The following DAPK1 variants were observed in gnomAD, a reference collection of about 807,000 sequenced individuals.
DAPK1 encodes the protein death associated protein kinase 1, also known as death-associated protein kinase 1.
In DAPK1, 56 loss-of-function variants were observed where a neutral mutation model predicts 144.9. The ratio of observed to expected loss-of-function variants is 0.39; its 90% CI spans 0.31 to 0.48. The LOEUF (loss-of-function observed/expected upper bound fraction) is 0.48, where lower values mean the gene tolerates loss of function less well. Among genes scored for constraint, DAPK1 ranks in the 20% least tolerant of loss-of-function variants. The pLI is 0.95. For synonymous variants in DAPK1, 690 were observed against 749.0 expected, an observed-to-expected ratio of 0.92 and a Z score of 1.29; for missense variants, 1,454 against 1,875.4, an observed-to-expected ratio of 0.78 and a Z score of 4.15.
intron 2 of DAPK1, among the ~76,000 whole-genome samples, chr9:87,565,650 G>A (rs997182927): frequency 6.6e-6 from 1 of 152,170 alleles, no homozygotes; most frequent in African/African-American, 2.4e-5. Flanking sequence ...ACTCAAATCC[G>A]ACTTCTTGAA....
intron 3 of DAPK1, among the ~76,000 whole-genome samples, chr9:87,615,495 G>C (rs899274198): frequency 1.3e-5 from 2 of 152,246 alleles, no homozygotes; most frequent in Non-Finnish European, 2.9e-5. Flanking sequence ...CTGGACGACA[G>C]AAGTGTCATT....
At chr9:87,700,258 G>GCC (rs1825415607) in intron 24 of DAPK1, 21 bp downstream of exon 24, 5 of 1,604,272 alleles carry the variant, frequency 3.1e-6, no homozygotes, top group Non-Finnish European at 4.3e-6. Context: ...CATGGAAAGA[G>GCC]CCTGGACCCC....
chr9:87,668,776 C>G (rs190721720), intron 19 of DAPK1, 102 bp downstream of exon 19: 338 of 801,332 alleles, frequency 4.2e-4, no homozygotes, highest in Non-Finnish European at 6.5e-4. Context: ...AGGCTCTAGA[C>G]AGCCAGGTTT....
intron 3 of DAPK1, among the ~76,000 whole-genome samples, chr9:87,613,201 A>AT (rs1180132643): frequency 7.2e-5 from 11 of 152,126 alleles, no homozygotes; most frequent in Non-Finnish European, 1.0e-4. Context: ...AATTTTGCTG[A>AT]TTTTTTTAAT....
At chr9:87,598,396 C>T (rs1371424433) in intron 2 of DAPK1, among the ~76,000 whole-genome samples, 2 of 152,120 alleles carry the variant, frequency 1.3e-5, no homozygotes, top group Non-Finnish European at 2.9e-5. Context: ...ATACTAGTTA[C>T]CATAAATAAT....
At chr9:87,501,211 C>CTA (rs1824377741) in intron 2 of DAPK1, among the ~76,000 whole-genome samples, 1 of 152,138 alleles carries the variant, frequency 6.6e-6, no homozygotes, top group Non-Finnish European at 1.5e-5. Context: ...ACTAGTAGAC[C>CTA]AGTATCTAAG....
At chr9:87,636,578 T>C (rs1829901802) in intron 3 of DAPK1, among the ~76,000 whole-genome samples, 1 of 152,204 alleles carries the variant, frequency 6.6e-6, no homozygotes, top group Admixed American at 6.5e-5. Context: ...TAGACCGTGC[T>C]AAGGAAAACA....
At chr9:87,586,979 G>A (rs1446977589) in intron 2 of DAPK1, among the ~76,000 whole-genome samples, 1 of 152,236 alleles carries the variant, frequency 6.6e-6, no homozygotes, top group Non-Finnish European at 1.5e-5. Flanking sequence ...TGTCCAGTGA[G>A]CGTTTGCTGA....
At chr9:87,674,253 C>T (rs1389938891) in intron 19 of DAPK1, among the ~76,000 whole-genome samples, 1 of 152,024 alleles carries the variant, frequency 6.6e-6, no homozygotes, top group Non-Finnish European at 1.5e-5. Context: ...AATCCCAGCA[C>T]TTTGGGAGGC....
chr9:87,643,610 G>T, intron 11 of DAPK1, 142 bp downstream of exon 11: 1 of 601,756 alleles, frequency 1.7e-6, no homozygotes, highest in Non-Finnish European at 2.9e-6. Context: ...GAGGGGTTTG[G>T]GGGTGCTGAT....
intron 19 of DAPK1, among the ~76,000 whole-genome samples, chr9:87,677,796 C>T (rs1414986796): frequency 1.3e-5 from 2 of 152,120 alleles, no homozygotes; most frequent in Non-Finnish European, 2.9e-5. Flanking sequence ...GTGGGTATAG[C>T]CTTGGACTCA....
chr9:87,513,953 G>A (rs908501841), intron 2 of DAPK1, among the ~76,000 whole-genome samples: 7 of 152,166 alleles, frequency 4.6e-5, no homozygotes, highest in Non-Finnish European at 1.0e-4. Context: ...TTTATAATAG[G>A]ATGTTTAGCA....
At chr9:87,689,637 G>A (rs1217952617) in intron 21 of DAPK1, among the ~76,000 whole-genome samples, 2 of 152,072 alleles carry the variant, frequency 1.3e-5, no homozygotes, top group South Asian at 2.1e-4. Flanking sequence ...TTATAATTTA[G>A]GGTATACATT....
At chr9:87,664,410 G>C (rs956579568) in intron 18 of DAPK1, among the ~76,000 whole-genome samples, 3 of 152,186 alleles carry the variant, frequency 2.0e-5, no homozygotes, top group Non-Finnish European at 4.4e-5. Flanking sequence ...TCTGCCTTCA[G>C]AGAGAGACTT....
At chr9:87,677,830 G>A (rs770826835) in intron 19 of DAPK1, among the ~76,000 whole-genome samples, 9 of 152,138 alleles carry the variant, frequency 5.9e-5, no homozygotes, top group African/African-American at 9.7e-5. Flanking sequence ...GGGCTGCTGC[G>A]GAAGGCTGGA....
Position 87,708,117 on chromosome 9 carries a change from G to T in DAPK1, c.*753G>T. On this transcript the variant is annotated 3_prime_UTR_variant, in exon 26 of 26. Transcript: ENST00000408954. ...GGGTGATTTTATGATCAGTGTTGTT[G>T]CTCTAGGAAGACATTTTTCCGTTTG... 1 of 267,594 alleles carries T rather than the reference G, an allele frequency of 3.7e-6. No individual in the cohort carries two copies. Among genetic ancestry groups the T allele is most frequent in the South Asian group, 4.0e-5 (1 of 24,930 alleles). The allele number at this position is 267,594 out of a possible 1,614,324, so 16.6% of individuals were successfully genotyped here.
chr9:87,517,297 C>T (rs1278893986), intron 2 of DAPK1, among the ~76,000 whole-genome samples: 2 of 152,138 alleles, frequency 1.3e-5, no homozygotes, highest in South Asian at 4.2e-4. Flanking sequence ...CTGGGCCTCT[C>T]TTCTTCTCGG....
At position 87,618,975 on chromosome 9, in the gene DAPK1, A is replaced by C. The variant is rs193204486; in HGVS notation, c.284+13800A>C. 2.2e-3 allele frequency among the ~76,000 whole-genome samples: 335 copies of C among 152,292 alleles called. 4 individuals are homozygous for C. The highest frequency in any genetic ancestry group is 8.7e-4 in the Non-Finnish European group (59 of 68,032). ...TCCTGCCCGCTGAATGAGGTCCATGATTGGTAGAGTGGTGCAGAGCCTTTG... is the reference window on the plus strand; with the variant it reads ...TCCTGCCCGCTGAATGAGGTCCATGCTTGGTAGAGTGGTGCAGAGCCTTTG... On this transcript the variant is annotated intron_variant, in intron 3 of 25. Coordinates refer to ENST00000408954, the MANE Select transcript of DAPK1 (RefSeq NM_004938.4).
chr9:87,615,791 G>A (rs942737572), intron 3 of DAPK1, among the ~76,000 whole-genome samples: 1 of 152,246 alleles, frequency 6.6e-6, no homozygotes, highest in South Asian at 2.1e-4. Flanking sequence ...CACCCTGCAG[G>A]TAAGGAACGC....
Sources: gnomAD v4.1 joint callset for allele counts (sites outside exome capture counted in the v4.1 genomes callset) on GRCh38, gnomAD v4.1.1 for gene constraint, MANE v1.5 for transcripts, NCBI Gene and HGNC (gene_info 2026-07-23, HGNC 2026-07-21) for gene names.